The following FAM131B variants were observed in gnomAD, a reference collection of about 807,000 sequenced individuals.
FAM131B encodes protein FAM131B.
In FAM131B, 19 loss-of-function variants were observed where a neutral mutation model predicts 42.0. That is an observed-to-expected ratio of 0.45 (90% CI 0.32 to 0.66). The LOEUF (loss-of-function observed/expected upper bound fraction) is 0.66. Among genes scored for constraint, FAM131B ranks in the 30% least tolerant of loss-of-function variants. The pLI is 0.05. For synonymous variants in FAM131B, 183 were observed against 177.6 expected, an observed-to-expected ratio of 1.03 and a Z score of -0.24; for missense variants, 370 against 468.4, an observed-to-expected ratio of 0.79 and a Z score of 1.94.
rs1326519632 is a variant in FAM131B at position 143,355,630 on chromosome 7, C to G, written c.*920G>C. 6.6e-6 allele frequency: 1 copy of G among 152,648 alleles called. No individual in the cohort carries two copies. The highest frequency in any genetic ancestry group is 1.5e-5 in the Non-Finnish European group (1 of 68,034). The allele number at this position is 152,648 out of a possible 1,614,324, so 9.5% of individuals were successfully genotyped here. A position where few individuals can be genotyped will look rare whatever the true frequency, so the allele number is the denominator to read the frequency against. ...TAAGGGGAGACAGCCCTCATGCTCC[C>G]CCTGCTGTTGGCGACACCTGCATCC... is the stretch of plus-strand genomic sequence containing the variant. On this transcript the variant is annotated 3_prime_UTR_variant, in exon 7 of 7. Coordinates refer to ENST00000443739, the MANE Select transcript of FAM131B (RefSeq NM_001031690.3). The surrounding 1 kb of genome is among the most constrained non-coding windows in gnomAD (Gnocchi z 4.1).
At chr7:143,380,892 AG>A in the FAM131B span, 1 of 656,560 alleles carries the variant, frequency 1.5e-6, no homozygotes, top group Non-Finnish European at 1.9e-6. The surrounding 1 kb of genome is among the most constrained non-coding windows in gnomAD (Gnocchi z 5.0). Flanking sequence ...CAGGCCCGAG[AG>A]GAGGTCGCTG....
the FAM131B span, among the ~76,000 whole-genome samples, chr7:143,375,072 C>A: frequency 2.0e-5 from 3 of 152,214 alleles, no homozygotes; most frequent in African/African-American, 7.2e-5. Flanking sequence ...CAGCACCTAA[C>A]AAACTGTCCT....
the FAM131B span, chr7:143,381,511 C>G: frequency 5.2e-6 from 8 of 1,547,244 alleles, no homozygotes; most frequent in Non-Finnish European, 6.1e-6. Flanking sequence ...CCGCCTGGGG[C>G]TCCTGAGCCC....
the FAM131B span, among the ~76,000 whole-genome samples, chr7:143,377,443 G>A: frequency 6.6e-6 from 1 of 152,220 alleles, no homozygotes; most frequent in African/African-American, 2.4e-5. Flanking sequence ...AAGTAGGGGT[G>A]TTGGGGTGAA....
chr7:143,380,973 G>T, the FAM131B span: 1 of 284,716 alleles, frequency 3.5e-6, no homozygotes, highest in Non-Finnish European at 5.3e-6. This position sits in a 1 kb window ranked among gnomAD's most constrained non-coding sequence, Gnocchi z 5.0. Flanking sequence ...CGCCGGCTAA[G>T]CCCGGAGGGG....
Position 143,358,969 on chromosome 7 carries a change from G to T in FAM131B, c.324C>A (p.Gly108=). ...HVTKPTAMGQ[G]RVAHMIEWQG... ...GCCACTCAATCATGTGGGCCACCCG[G>T]CCTTGCCCCATGGCTGTGGGCTTTG... Residue 108 remains glycine (G), a synonymous_variant, in exon 5 of 7, where the codon GGC becomes GGA. Coordinates refer to ENST00000443739, the MANE Select transcript of FAM131B (RefSeq NM_001031690.3). The surrounding 1 kb of genome is among the most constrained non-coding windows in gnomAD (Gnocchi z 4.7). 1 of 1,614,034 alleles carries T rather than the reference G, an allele frequency of 6.2e-7. No individual in the cohort carries two copies.
At chr7:143,379,380 C>T in the FAM131B span, among the ~76,000 whole-genome samples, 8 of 152,178 alleles carry the variant, frequency 5.3e-5, no homozygotes, top group African/African-American at 1.7e-4. Context: ...GTGTGCACTG[C>T]GTACTACCCA....
At chr7:143,380,656 G>A in the FAM131B span, 1 of 985,378 alleles carries the variant, frequency 1.0e-6, no homozygotes, top group Non-Finnish European at 1.2e-6. This position sits in a 1 kb window ranked among gnomAD's most constrained non-coding sequence, Gnocchi z 5.0. Context: ...GAAGCCTTAA[G>A]AGGCTGCCCA....
the FAM131B span, among the ~76,000 whole-genome samples, chr7:143,379,064 C>G: frequency 6.6e-6 from 1 of 152,362 alleles, no homozygotes; most frequent in African/African-American, 2.4e-5. Context: ...TGCCTACGCA[C>G]TCTTCTATTT....
Position 143,359,968 on chromosome 7 carries a change from G to T in FAM131B, c.138+72C>A. On this transcript the variant is annotated intron_variant, in intron 2 of 6. Coordinates refer to ENST00000443739, the MANE Select transcript of FAM131B (RefSeq NM_001031690.3). The surrounding 1 kb of genome is among the most constrained non-coding windows in gnomAD (Gnocchi z 5.4). ...TGTAGAAGTGTCAGTCTGAAGGAGT[G>T]TTTGGGTTGTTGCCTTGGAATTGAG... is the stretch of plus-strand genomic sequence containing the variant. 1 of 1,183,416 alleles carries T rather than the reference G, an allele frequency of 8.5e-7. No individual in the cohort carries two copies. Among genetic ancestry groups the T allele is most frequent in the Non-Finnish European group, 1.2e-6 (1 of 802,220 alleles). 73.3% of individuals were successfully genotyped at this position (1,183,416 alleles called of 1,614,324 possible).
Position 143,362,219 on chromosome 7 carries a change from G to A in FAM131B, c.28+357C>T. On this transcript the variant is annotated intron_variant, in intron 1 of 6. Transcript: ENST00000443739. The surrounding 1 kb of genome is among the most constrained non-coding windows in gnomAD (Gnocchi z 7.7). ...GGAGTGGGGGATGCGAGGAGGCGCT[G>A]GGGACGGCGGAGCAGAGGCGGATGG... 1 of 199,988 alleles carries A rather than the reference G, an allele frequency of 5.0e-6. No individual in the cohort carries two copies. Among genetic ancestry groups the A allele is most frequent in the East Asian group, 1.0e-4 (1 of 9,926 alleles). The allele number at this position is 199,988 out of a possible 1,614,324, so 12.4% of individuals were successfully genotyped here.
chr7:143,370,767 G>T, the FAM131B span, among the ~76,000 whole-genome samples: 1 of 152,212 alleles, frequency 6.6e-6, no homozygotes, highest in Non-Finnish European at 1.5e-5. Context: ...CTCTGTGTGT[G>T]TAGTAGCCAT....
At chr7:143,370,272 C>T in the FAM131B span, among the ~76,000 whole-genome samples, 2 of 152,216 alleles carry the variant, frequency 1.3e-5, no homozygotes, top group Non-Finnish European at 2.9e-5. Context: ...CGGCACTCAT[C>T]TTCTCCATTT....
At chr7:143,381,175 TC>T in the FAM131B span, 9 of 989,162 alleles carry the variant, frequency 9.1e-6, no homozygotes, top group Non-Finnish European at 1.1e-5. Flanking sequence ...CAGGGCCCCT[TC>T]CTGGGGGAGT....
At chr7:143,376,257 G>GA in the FAM131B span, among the ~76,000 whole-genome samples, 1 of 152,150 alleles carries the variant, frequency 6.6e-6, no homozygotes, top group Non-Finnish European at 1.5e-5. Context: ...TGGGTGATTA[G>GA]AAAATTTTTT....
In FAM131B at chr7:143,357,352, T is replaced by G; in HGVS notation, c.538A>C (p.Ser180Arg). 9 of 1,614,010 alleles carry G rather than the reference T, an allele frequency of 5.6e-6. No homozygotes were observed. Among genetic ancestry groups the G allele is most frequent in the Non-Finnish European group, 7.6e-6 (9 of 1,179,892 alleles). Residue 180 changes from serine (S) to arginine (R), a missense_variant, in exon 6 of 7, where the codon AGT becomes CGT. Ser to Arg is a moderately radical substitution (Grantham distance 110, BLOSUM62 -1). Transcript: ENST00000443739. ...AWSSMDGEDMSVNSTQEPLGC... is the reference protein window; with the variant it reads ...AWSSMDGEDMRVNSTQEPLGC... ...AATGGCTCCTGGGTGGAGTTCACAC[T>G]CATGTCCTCACCATCCATGGAAGAC...
At chr7:143,380,256 G>A in the FAM131B span, 2 of 968,144 alleles carry the variant, frequency 2.1e-6, no homozygotes, top group Non-Finnish European at 2.5e-6. This position sits in a 1 kb window ranked among gnomAD's most constrained non-coding sequence, Gnocchi z 5.0. Context: ...AAAAGAACTA[G>A]AAGAATTACC....
chr7:143,371,258 G>A, the FAM131B span, among the ~76,000 whole-genome samples: 1 of 152,042 alleles, frequency 6.6e-6, no homozygotes, highest in Non-Finnish European at 1.5e-5. Context: ...ATTGTTTGGT[G>A]GGGGAGTGCC....
At chr7:143,367,390 C>T (rs1327448222), upstream of FAM131B, among the ~76,000 whole-genome samples, 1 of 152,152 alleles carries the variant, frequency 6.6e-6, no homozygotes, top group Non-Finnish European at 1.5e-5. Flanking sequence ...CTAAGGTGAG[C>T]TCACTCCCAC....
Sources: gnomAD v4.1 joint callset for allele counts (sites outside exome capture counted in the v4.1 genomes callset) on GRCh38, gnomAD v4.1.1 for gene constraint, Gnocchi (gnomAD v3.1) non-coding constraint, MANE v1.5 for transcripts, NCBI Gene and HGNC (gene_info 2026-07-23, HGNC 2026-07-21) for gene names.